ADGRL2: variants seen among roughly 807,000 people sequenced by gnomAD.
The protein encoded by ADGRL2 is calcium-independent alpha-latrotoxin receptor 2.
ADGRL2 carries 44 observed loss-of-function variants against 157.4 expected under a neutral mutation model. The ratio of observed to expected loss-of-function variants is 0.28; its 90% CI spans 0.22 to 0.36. ADGRL2 has a LOEUF of 0.36. ADGRL2 is among the 10% of genes least tolerant of loss of function. ADGRL2 has a pLI of 1.00. For synonymous variants in ADGRL2, 585 were observed against 624.7 expected (o/e 0.94, Z 0.95); for missense variants, 1,510 against 1,768.9 (o/e 0.85, Z 2.63).
At chr1:81,343,087 C>CTTTTTTTTTTTTTTTTT (rs764039251) in intron 1 of ADGRL2, among the ~76,000 whole-genome samples, 47 of 127,480 alleles carry the variant, frequency 3.7e-4, no homozygotes, top group African/African-American at 7.1e-4. Context: ...TTTCTTTTTT[C>CTTTTTTTTTTTTTTTTT]TTTTCTTTTT....
intron 2 of ADGRL2, among the ~76,000 whole-genome samples, chr1:81,768,067 A>G (rs2086205543): frequency 6.6e-6 from 1 of 152,098 alleles, no homozygotes; most frequent in African/African-American, 2.4e-5. Flanking sequence ...ATTTTTAGAG[A>G]CAAGACCTCA....
intron 4 of ADGRL2, among the ~76,000 whole-genome samples, chr1:81,939,060 A>G (rs1021122308): frequency 9.2e-5 from 14 of 151,644 alleles, no homozygotes; most frequent in Non-Finnish European, 1.6e-4. Context: ...TTCTATCCCC[A>G]GTAAATCCTC....
intron 2 of ADGRL2, among the ~76,000 whole-genome samples, chr1:81,535,770 C>T (rs2079720891): frequency 6.6e-6 from 1 of 152,060 alleles, no homozygotes; most frequent in African/African-American, 2.4e-5. Flanking sequence ...TTATTTAGTA[C>T]AAGTAGTATG....
rs575820186 is a variant in ADGRL2 at position 81,637,809 on chromosome 1, A to C, written c.-143+56829A>C. 5.9e-5 allele frequency among the ~76,000 whole-genome samples: 9 copies of C among 152,234 alleles called. No individual in the cohort carries two copies. In the East Asian group the frequency reaches 1.7e-3, roughly 29 times the overall value. ...AAGATTTAAGAGATTAATCATACACATTTCTGAAGTAATTATGAACATATT... is the reference window on the plus strand; with the variant it reads ...AAGATTTAAGAGATTAATCATACACCTTTCTGAAGTAATTATGAACATATT... On this transcript the variant is annotated intron_variant, in intron 3 of 24. Transcript: ENST00000370721.
intron 1 of ADGRL2, among the ~76,000 whole-genome samples, chr1:81,711,666 C>T (rs1332264599): frequency 6.6e-6 from 1 of 152,074 alleles, no homozygotes; most frequent in African/African-American, 2.4e-5. Flanking sequence ...GGTTTGGTGC[C>T]ACAGTTTTAA....
At chr1:81,624,255 A>G (rs12136805) in intron 3 of ADGRL2, among the ~76,000 whole-genome samples, 35,944 of 152,118 alleles carry the variant, frequency 0.24, 5,040 homozygotes, top group African/African-American at 0.36. Flanking sequence ...AGGTTGGTGC[A>G]AAAGTAATTG....
chr1:81,592,605 C>A (rs1362754766), intron 3 of ADGRL2, among the ~76,000 whole-genome samples: 1 of 152,110 alleles, frequency 6.6e-6, no homozygotes, highest in African/African-American at 2.4e-5. Context: ...GAGAAGGATT[C>A]TTATAAAACT....
intron 2 of ADGRL2, among the ~76,000 whole-genome samples, chr1:81,778,516 A>G (rs2086688361): frequency 6.6e-6 from 1 of 152,170 alleles, no homozygotes; most frequent in African/African-American, 2.4e-5. Flanking sequence ...TTTGGAATTT[A>G]GACTTTTTCC....
At chr1:81,738,945 C>T (rs1175374429) in intron 1 of ADGRL2, among the ~76,000 whole-genome samples, 1 of 152,218 alleles carries the variant, frequency 6.6e-6, no homozygotes, top group African/African-American at 2.4e-5. Flanking sequence ...TCATTCATCC[C>T]ACTGGGTGCT....
At chr1:81,324,868 C>A (rs1037120742) in intron 1 of ADGRL2, among the ~76,000 whole-genome samples, 10 of 152,166 alleles carry the variant, frequency 6.6e-5, no homozygotes, top group Non-Finnish European at 7.4e-5. Context: ...AGGCGCCCAC[C>A]ACCACACCCA....
intron 13 of ADGRL2, among the ~76,000 whole-genome samples, chr1:81,967,542 T>C (rs1349832486): frequency 6.6e-6 from 1 of 152,152 alleles, no homozygotes; most frequent in Non-Finnish European, 1.5e-5. Flanking sequence ...ATTACAGGCG[T>C]GAGCCACCGC....
intron 1 of ADGRL2, among the ~76,000 whole-genome samples, chr1:81,752,608 A>G (rs11163356): frequency 0.87 from 132,147 of 152,158 alleles, 57,470 homozygotes; most frequent in East Asian, 0.94. Context: ...CTGCAGCCTC[A>G]ACATTCCTGG....
intron 1 of ADGRL2, among the ~76,000 whole-genome samples, chr1:81,747,843 C>A (rs1394623801): frequency 6.6e-6 from 1 of 151,692 alleles, no homozygotes; most frequent in Non-Finnish European, 1.5e-5. Flanking sequence ...TTCTGGGAAT[C>A]TTATTTATAA....
At chr1:81,987,611 C>T (rs1211370798) in intron 22 of ADGRL2, among the ~76,000 whole-genome samples, 2 of 151,456 alleles carry the variant, frequency 1.3e-5, no homozygotes, top group African/African-American at 4.8e-5. Flanking sequence ...CTAACCCATC[C>T]ATATATTACT....
intron 1 of ADGRL2, among the ~76,000 whole-genome samples, chr1:81,369,048 G>A (rs2076116276): frequency 6.6e-6 from 1 of 152,014 alleles, no homozygotes. Flanking sequence ...GTGACAAGTG[G>A]TTGACCTTCT....
At chr1:81,757,449 C>T (rs1458645232) in intron 1 of ADGRL2, among the ~76,000 whole-genome samples, 1 of 152,158 alleles carries the variant, frequency 6.6e-6, no homozygotes, top group East Asian at 1.9e-4. Flanking sequence ...ATAACTGAGT[C>T]TTGGCCAATC....
At chr1:81,403,242 G>GTTGT (rs71980349) in intron 1 of ADGRL2, among the ~76,000 whole-genome samples, 256 of 121,926 alleles carry the variant, frequency 2.1e-3, no homozygotes, top group African/African-American at 6.8e-3. Context: ...TTTTTTTGTT[G>GTTGT]TTGTTTGTTT....
chr1:81,360,469 C>A (rs1367566373), intron 1 of ADGRL2, among the ~76,000 whole-genome samples: 2 of 151,914 alleles, frequency 1.3e-5, no homozygotes, highest in African/African-American at 2.4e-5. Context: ...TGTGTATGCT[C>A]CTGGAACAGA....
At chr1:81,317,777 T>A (rs1219180421) in intron 1 of ADGRL2, among the ~76,000 whole-genome samples, 1 of 152,198 alleles carries the variant, frequency 6.6e-6, no homozygotes, top group East Asian at 1.9e-4. Context: ...TGTCTGCATA[T>A]TTATTTATGT....
Sources: allele counts gnomAD v4.1 joint callset (sites outside exome capture counted in the v4.1 genomes callset), GRCh38; gene constraint gnomAD v4.1.1; transcripts MANE v1.5; gene names NCBI Gene and HGNC (gene_info 2026-07-23, HGNC 2026-07-21).